The following ANKIB1 variants were observed in gnomAD, a reference collection of about 807,000 sequenced individuals.
The protein encoded by ANKIB1 is ankyrin repeat and IBR domain-containing protein 1.
In ANKIB1, 43 loss-of-function variants were observed where a neutral mutation model predicts 122.1. The observed-to-expected ratio is 0.35, with a 90% CI of 0.28 to 0.45. The LOEUF (loss-of-function observed/expected upper bound fraction) is 0.45. Ranked by LOEUF, ANKIB1 falls within the 20% of genes least tolerant of loss-of-function variation. The probability of loss-of-function intolerance (pLI) is 1.00; values close to 1 mark genes in which losing one functional copy is unlikely to be tolerated. For synonymous variants in ANKIB1, 390 were observed against 442.0 expected, an observed-to-expected ratio of 0.88 and a Z score of 1.48; for missense variants, 992 against 1,329.5, an observed-to-expected ratio of 0.75 and a Z score of 3.95.
intron 5 of ANKIB1, among the ~76,000 whole-genome samples, chr7:92,336,122 G>C (rs1475267647): frequency 6.6e-6 from 1 of 151,874 alleles, no homozygotes; most frequent in Non-Finnish European, 1.5e-5. Flanking sequence ...ACAATGCAGT[G>C]TCATAATTTT....
intron 1 of ANKIB1, among the ~76,000 whole-genome samples, chr7:92,288,350 C>A (rs1408285254): frequency 6.6e-6 from 1 of 152,182 alleles, no homozygotes; most frequent in African/African-American, 2.4e-5. Flanking sequence ...AAATCAATTA[C>A]AGAAGACATA....
intron 17 of ANKIB1, among the ~76,000 whole-genome samples, chr7:92,394,341 C>G (rs1585142513): frequency 6.6e-6 from 1 of 152,026 alleles, no homozygotes; most frequent in Admixed American, 6.6e-5. Flanking sequence ...CTGACTAAAC[C>G]CTTTTCATAT....
intron 10 of ANKIB1, among the ~76,000 whole-genome samples, chr7:92,368,264 A>G (rs1804143031): frequency 6.6e-6 from 1 of 151,594 alleles, no homozygotes; most frequent in African/African-American, 2.4e-5. Flanking sequence ...ATACTTTATT[A>G]TGAAGTTAAT....
intron 1 of ANKIB1, among the ~76,000 whole-genome samples, chr7:92,274,645 A>C (rs954496360): frequency 2.6e-5 from 4 of 152,132 alleles, no homozygotes; most frequent in African/African-American, 9.7e-5. Flanking sequence ...GGTCATTCTT[A>C]ACTCCTTATA....
intron 9 of ANKIB1, among the ~76,000 whole-genome samples, chr7:92,357,515 C>T (rs1446488864): frequency 1.3e-5 from 2 of 151,866 alleles, no homozygotes; most frequent in African/African-American, 4.8e-5. Flanking sequence ...TGGGCGGATC[C>T]CTTGAGCCCA....
chr7:92,396,214 C>T, intron 17 of ANKIB1, 151 bp from the exon 18 acceptor site: 2 of 619,478 alleles, frequency 3.2e-6, no homozygotes, highest in Non-Finnish European at 5.7e-6. Context: ...GTTTCCTTGG[C>T]ATGGCAAAAC....
chr7:92,329,840 A>T (rs1424366903), intron 5 of ANKIB1, among the ~76,000 whole-genome samples: 1 of 152,112 alleles, frequency 6.6e-6, no homozygotes, highest in Admixed American at 6.5e-5. Context: ...GGCTGTCATT[A>T]CTTTTCATCT....
At chr7:92,355,325 G>T (rs1803774669) in intron 9 of ANKIB1, among the ~76,000 whole-genome samples, 1 of 151,932 alleles carries the variant, frequency 6.6e-6, no homozygotes, top group East Asian at 1.9e-4. Flanking sequence ...CTGACACAAA[G>T]TGTCTCTCTT....
At chr7:92,390,712 A>G (rs1312049259) in intron 15 of ANKIB1, among the ~76,000 whole-genome samples, 2 of 152,142 alleles carry the variant, frequency 1.3e-5, no homozygotes, top group African/African-American at 4.8e-5. Flanking sequence ...TTCTCCGTAA[A>G]GCCTTCCACA....
chr7:92,255,797 C>T (rs867330209), intron 1 of ANKIB1, among the ~76,000 whole-genome samples: 30 of 152,008 alleles, frequency 2.0e-4, no homozygotes, highest in Admixed American at 8.5e-4. Context: ...TATACGCAAA[C>T]GGAAATAAAC....
intron 8 of ANKIB1, 38 bp downstream of exon 8, chr7:92,351,132 A>C: frequency 7.1e-7 from 1 of 1,412,030 alleles, no homozygotes; most frequent in South Asian, 1.6e-5. Flanking sequence ...AATTTCCATA[A>C]TTTTGATTTT....
intron 7 of ANKIB1, 51 bp downstream of exon 7, chr7:92,345,117 T>C: frequency 7.7e-7 from 1 of 1,306,664 alleles, no homozygotes; most frequent in Non-Finnish European, 1.1e-6. Context: ...GCACTCTGAT[T>C]TGTTAATAAA....
intron 1 of ANKIB1, among the ~76,000 whole-genome samples, chr7:92,282,610 G>A (rs546564588): frequency 3.6e-4 from 55 of 152,308 alleles, no homozygotes; most frequent in African/African-American, 1.3e-3. Context: ...AGATGCCGAA[G>A]TTACTAAAAT....
chr7:92,259,693 A>G (rs1437526696), intron 1 of ANKIB1, among the ~76,000 whole-genome samples: 1 of 152,148 alleles, frequency 6.6e-6, no homozygotes. Flanking sequence ...CCTAATATCT[A>G]ATAAGCTTCT....
chr7:92,325,271 T>C (rs1803003815), intron 4 of ANKIB1, among the ~76,000 whole-genome samples: 1 of 152,216 alleles, frequency 6.6e-6, no homozygotes, highest in South Asian at 2.1e-4. Flanking sequence ...GTTCTTTTTC[T>C]GGCAAGAAAC....
At chr7:92,267,252 A>T (rs1801689960) in intron 1 of ANKIB1, among the ~76,000 whole-genome samples, 1 of 152,236 alleles carries the variant, frequency 6.6e-6, no homozygotes, top group Admixed American at 6.5e-5. Context: ...ATACATACAT[A>T]CATAAAAACT....
intron 1 of ANKIB1, among the ~76,000 whole-genome samples, chr7:92,266,194 G>T (rs756176508): frequency 9.9e-5 from 15 of 152,184 alleles, no homozygotes; most frequent in Non-Finnish European, 1.9e-4. Context: ...GAGAACATTT[G>T]TTCAGAGGGC....
At chr7:92,259,101 A>G (rs1801508375) in intron 1 of ANKIB1, among the ~76,000 whole-genome samples, 1 of 151,950 alleles carries the variant, frequency 6.6e-6, no homozygotes, top group Non-Finnish European at 1.5e-5. Flanking sequence ...CCACAGATGC[A>G]TGCCACCACA....
chr7:92,384,548 A>G lies in ANKIB1; in HGVS notation c.1618-1961A>G, dbSNP rs191463683. On this transcript the variant is annotated intron_variant, in intron 11 of 19. Transcript: ENST00000265742. ...GGTACCAAAACAGAGATATAGACCAATGGAACAGAACAGAGGCCTCAGAAA... is the reference window on the plus strand; with the variant it reads ...GGTACCAAAACAGAGATATAGACCAGTGGAACAGAACAGAGGCCTCAGAAA... Among the ~76,000 whole-genome samples, 1,191 of 152,312 alleles carry G rather than the reference A, an allele frequency of 7.8e-3. 12 individuals carry two copies. Among genetic ancestry groups the G allele is most frequent in the Middle Eastern group, 0.017 (5 of 294 alleles).
Sources: allele counts gnomAD v4.1 joint callset (sites outside exome capture counted in the v4.1 genomes callset), GRCh38; gene constraint gnomAD v4.1.1; transcripts MANE v1.5; gene names NCBI Gene and HGNC (gene_info 2026-07-23, HGNC 2026-07-21).